UBAP2: variants seen among roughly 807,000 people sequenced by gnomAD.
The protein encoded by UBAP2 is ubiquitin-associated protein 2.
UBAP2 carries 75 observed loss-of-function variants against 139.6 expected under a neutral mutation model. The ratio of observed to expected loss-of-function variants is 0.54; its 90% confidence interval spans 0.45 to 0.65. UBAP2 has a LOEUF of 0.65. Ranked by LOEUF, UBAP2 falls within the 30% of genes least tolerant of loss-of-function variation. UBAP2 has a pLI of 0.00. For missense variants in UBAP2, 1,368 were observed against 1,369.6 expected (o/e 1.00, Z 0.02); for synonymous variants, 526 against 526.2 (o/e 1.00, Z 0.01).
intron 4 of UBAP2, chr9:33,995,439 AT>A (rs1822087604): frequency 8.3e-6 from 1 of 120,650 alleles, no homozygotes; most frequent in African/African-American, 4.3e-5. Flanking sequence ...TTAAACAAAT[AT>A]TATAAATATT....
At chr9:34,003,222 G>A (rs903133352) in intron 2 of UBAP2, among the ~76,000 whole-genome samples, 2 of 151,400 alleles carry the variant, frequency 1.3e-5, no homozygotes, top group African/African-American at 4.9e-5. Context: ...GTAGAGACGG[G>A]GTTTCACCAT....
intron 2 of UBAP2, among the ~76,000 whole-genome samples, chr9:34,004,175 C>A (rs955854835): frequency 6.6e-6 from 1 of 152,102 alleles, no homozygotes; most frequent in Non-Finnish European, 1.5e-5. Flanking sequence ...AATAAGAGAA[C>A]CTGCCTCCTC....
chr9:33,963,620 T>C (rs1341380274), intron 9 of UBAP2, 106 bp downstream of exon 9: 2 of 673,038 alleles, frequency 3.0e-6, no homozygotes, highest in Non-Finnish European at 5.0e-6. Flanking sequence ...TTTACAAACA[T>C]TTATCTGATA....
At chr9:34,020,591 G>A (rs1282878701) in intron 1 of UBAP2, among the ~76,000 whole-genome samples, 1 of 151,836 alleles carries the variant, frequency 6.6e-6, no homozygotes, top group African/African-American at 2.4e-5. Flanking sequence ...CTCCCAAAGT[G>A]CTGAGATTAC....
At chr9:33,973,845 C>T (rs898436207) in intron 6 of UBAP2, among the ~76,000 whole-genome samples, 4 of 152,150 alleles carry the variant, frequency 2.6e-5, no homozygotes, top group Non-Finnish European at 5.9e-5. Flanking sequence ...GCAATGATTT[C>T]TTGAGTATGA....
At chr9:33,938,143 T>G (rs1824762959) in intron 16 of UBAP2, among the ~76,000 whole-genome samples, 1 of 152,006 alleles carries the variant, frequency 6.6e-6, no homozygotes, top group African/African-American at 2.4e-5. Context: ...ACTACAGGTC[T>G]GTACCATCAC....
chr9:33,953,598 A>G (rs1826286851), intron 11 of UBAP2, 124 bp from the exon 12 acceptor site: 1 of 1,046,554 alleles, frequency 9.6e-7, no homozygotes, highest in Non-Finnish European at 1.3e-6. Context: ...CCTTTGGAAA[A>G]TGGGGTTTAA....
rs959149077 is a variant in UBAP2 at position 33,922,306 on chromosome 9, C to G, written c.*198G>C. 5 of 595,582 alleles carry G rather than the reference C, an allele frequency of 8.4e-6. No individual in the cohort carries two copies. Among genetic ancestry groups the G allele is most frequent in the South Asian group, 2.0e-5 (1 of 49,268 alleles). 36.9% of individuals were successfully genotyped at this position (595,582 alleles called of 1,614,324 possible). ...CTGCCGCCATCCCCCAACTCCCCCC[C>G]AGACTTCTATCACATTTACAAATAC... is the stretch of plus-strand genomic sequence containing the variant. On this transcript the variant is annotated 3_prime_UTR_variant, in exon 29 of 29. Transcript: ENST00000379238.
chr9:33,955,469 G>A lies in UBAP2; in HGVS notation c.866+610C>T, dbSNP rs1329355367. Among the ~76,000 whole-genome samples the A allele has an allele frequency of 1.3e-5, 2 of 151,274 alleles. 1 individual carries two copies. The highest frequency in any genetic ancestry group is 4.2e-4 in the South Asian group (2 of 4,810). ...AGGACGGCGGGGGTTGCAGTGAGCC[G>A]AGATCGTGCCACTGCACTCCAGCCT... is the stretch of plus-strand genomic sequence containing the variant. On this transcript the variant is annotated intron_variant, in intron 11 of 28. Coordinates refer to ENST00000379238, the MANE Select transcript of UBAP2 (RefSeq NM_001370062.2).
intron 6 of UBAP2, among the ~76,000 whole-genome samples, chr9:33,985,958 T>C (rs1056859060): frequency 6.9e-6 from 1 of 145,880 alleles, no homozygotes; most frequent in African/African-American, 2.5e-5. Context: ...GAGGTGGAGG[T>C]TGCAGTTAGC....
intron 1 of UBAP2, among the ~76,000 whole-genome samples, chr9:34,027,374 G>A (rs370552063): frequency 2.0e-4 from 30 of 152,182 alleles, no homozygotes; most frequent in African/African-American, 3.9e-4. Context: ...CCAGCAAATC[G>A]GGAGGCTGAG....
At chr9:33,932,127 GCGCGCCGA>G (rs1824035163) in intron 19 of UBAP2, among the ~76,000 whole-genome samples, 1 of 152,090 alleles carries the variant, frequency 6.6e-6, no homozygotes, top group Non-Finnish European at 1.5e-5. Context: ...ATTAAAGCTG[GCGCGCCGA>G]CTCCAGCCCT....
chr9:33,939,637 A>G (rs1271493237), intron 16 of UBAP2, among the ~76,000 whole-genome samples: 2 of 146,522 alleles, frequency 1.4e-5, no homozygotes, highest in African/African-American at 2.6e-5. Context: ...TGCAGTCCCC[A>G]CTACTCGGGA....
intron 6 of UBAP2, among the ~76,000 whole-genome samples, chr9:33,983,921 T>C (rs1200054441): frequency 6.6e-6 from 1 of 152,096 alleles, no homozygotes; most frequent in East Asian, 1.9e-4. Context: ...CCCTGGGATT[T>C]TTTTATTTGA....
chr9:33,944,463 G>C lies in UBAP2; in HGVS notation c.1447C>G (p.Leu483Val), dbSNP rs1350354559. Residue 483 changes from leucine to valine, a missense_variant, in exon 14 of 29, where the codon CTT becomes GTT. Leu to Val is a conservative substitution (Grantham distance 32). Coordinates refer to ENST00000379238, the MANE Select transcript of UBAP2 (RefSeq NM_001370062.2). ...SPSTVNKLLQ[L>V]PSTTIENISV... ...ATATTTTCAATGGTCGTGCTGGGAAGCTGCAAAAGCTTGTTCACAGTGGAG... is the reference window on the plus strand; with the variant it reads ...ATATTTTCAATGGTCGTGCTGGGAACCTGCAAAAGCTTGTTCACAGTGGAG... 5.0e-6 allele frequency: 8 copies of C among 1,614,046 alleles called. No individual in the cohort carries two copies. The highest frequency in any genetic ancestry group is 6.8e-6 in the Non-Finnish European group (8 of 1,180,048).
chr9:33,933,427 C>A, intron 18 of UBAP2, 63 bp downstream of exon 18: 2 of 1,577,410 alleles, frequency 1.3e-6, no homozygotes, highest in Admixed American at 1.8e-5. Flanking sequence ...AAGCAACCTT[C>A]TACAGGAGCT....
At chr9:33,988,904 G>C in intron 5 of UBAP2, 69 bp downstream of exon 5, 1 of 1,526,828 alleles carries the variant, frequency 6.5e-7, no homozygotes, top group Non-Finnish European at 8.8e-7. Context: ...CAAAACTTTG[G>C]GAGGCTGAGG....
intron 2 of UBAP2, among the ~76,000 whole-genome samples, chr9:34,002,376 GCTTT>G (rs1822784908): frequency 2.8e-5 from 3 of 107,754 alleles, no homozygotes; most frequent in Admixed American, 1.4e-4. Flanking sequence ...CTGCATAGGT[GCTTT>G]TTTTTTTTTT....
chr9:33,968,102 C>A (rs1223292398), intron 8 of UBAP2: 5 of 489,176 alleles, frequency 1.0e-5, no homozygotes, highest in African/African-American at 7.9e-5. Context: ...CAGTTACATT[C>A]TCATGAATAC....
Sources: allele counts gnomAD v4.1 joint callset (sites outside exome capture counted in the v4.1 genomes callset), GRCh38; gene constraint gnomAD v4.1.1; transcripts MANE v1.5; gene names NCBI Gene and HGNC (gene_info 2026-07-23, HGNC 2026-07-21).